The following MRTFB variants were observed in gnomAD, a reference collection of about 807,000 sequenced individuals.
MRTFB encodes the protein myocardin-related transcription factor B.
A neutral mutation model predicts 104.2 loss-of-function variants in MRTFB; 29 were observed. The observed-to-expected ratio is 0.28, with a 90% confidence interval of 0.21 to 0.38. The LOEUF is 0.38. Among genes scored for constraint, MRTFB ranks in the 10% least tolerant of loss-of-function variants. The pLI is 1.00. For missense variants in MRTFB, 1,270 were observed against 1,341.6 expected (o/e 0.95, Z 0.83); for synonymous variants, 535 against 519.5 (o/e 1.03, Z -0.41).
upstream of MRTFB, among the ~76,000 whole-genome samples, chr16:14,069,535 G>A (rs1859565949): frequency 1.3e-5 from 2 of 152,168 alleles, no homozygotes; most frequent in Non-Finnish European, 2.9e-5. Context: ...GTCCAGACTG[G>A]AGGGCAGTGG....
chr16:14,024,804 A>G, the MRTFB span, among the ~76,000 whole-genome samples: 2 of 152,196 alleles, frequency 1.3e-5, no homozygotes, highest in Non-Finnish European at 1.5e-5. Flanking sequence ...CAAACTTCCT[A>G]TGAGTCAGGG....
intron 3 of MRTFB, among the ~76,000 whole-genome samples, chr16:14,174,978 T>C (rs1176711791): frequency 6.6e-6 from 1 of 152,190 alleles, no homozygotes; most frequent in Non-Finnish European, 1.5e-5. Context: ...GTTCTGCTGC[T>C]CAATCATTTT....
intron 10 of MRTFB, among the ~76,000 whole-genome samples, chr16:14,244,601 C>G (rs1458850123): frequency 3.9e-5 from 6 of 152,200 alleles, no homozygotes; most frequent in Admixed American, 3.3e-4. Flanking sequence ...ATCAATTCCA[C>G]TGAAAATGCA....
intron 2 of MRTFB, among the ~76,000 whole-genome samples, chr16:14,090,815 G>A (rs1250332313): frequency 6.6e-6 from 1 of 151,812 alleles, no homozygotes; most frequent in African/African-American, 2.4e-5. Flanking sequence ...CGACTCTGAT[G>A]CCTAAAAGTG....
At chr16:14,223,851 C>A (rs556647002) in intron 8 of MRTFB, among the ~76,000 whole-genome samples, 1 of 152,104 alleles carries the variant, frequency 6.6e-6, no homozygotes, top group East Asian at 1.9e-4. Context: ...CATGGATATA[C>A]AAATACAGTC....
intron 3 of MRTFB, among the ~76,000 whole-genome samples, chr16:14,161,062 T>C (rs1415133151): frequency 1.3e-5 from 2 of 151,512 alleles, no homozygotes; most frequent in Admixed American, 6.6e-5. Flanking sequence ...TATTCTGTTC[T>C]GTTTTAGTAG....
intron 16 of MRTFB, among the ~76,000 whole-genome samples, chr16:14,259,265 G>A (rs369592530): frequency 7.0e-6 from 1 of 143,738 alleles, no homozygotes; most frequent in Non-Finnish European, 1.5e-5. Context: ...TGAAACCCCC[G>A]TCTCTACTAA....
At chr16:14,214,815 G>C (rs1006126064) in intron 6 of MRTFB, 1 of 152,214 alleles carries the variant, frequency 6.6e-6, no homozygotes, top group African/African-American at 2.4e-5. Flanking sequence ...ATGACCCCAA[G>C]TAGGGGCTCT....
At chr16:14,066,316 C>G in the MRTFB span, among the ~76,000 whole-genome samples, 4 of 151,576 alleles carry the variant, frequency 2.6e-5, no homozygotes. Context: ...CTCTGTTGCC[C>G]AGGCTGGAGT....
chr16:14,175,754 A>G (rs1482045686), intron 3 of MRTFB, among the ~76,000 whole-genome samples: 1 of 152,216 alleles, frequency 6.6e-6, no homozygotes, highest in East Asian at 1.9e-4. Flanking sequence ...AATATGGTAT[A>G]TCCATACAGC....
rs897692948 is a variant in MRTFB, at chr16:14,248,860, C to G, written c.2248-66C>G. 7 of 1,563,546 alleles carry G rather than the reference C, an allele frequency of 4.5e-6. No homozygotes were observed. In the African/African-American group the frequency reaches 6.8e-5, roughly 15 times the overall value. ...CCCCAAGTGACCAGTGATTCTACAC[C>G]TAAGTTCTGATTTCTAACTTTGATT... On this transcript the variant is annotated intron_variant, in intron 12 of 16. Transcript: ENST00000571589.
At chr16:14,149,677 T>G (rs1319873107) in intron 3 of MRTFB, 1 of 152,246 alleles carries the variant, frequency 6.6e-6, no homozygotes, top group African/African-American at 2.4e-5. Context: ...TGCCTCTTAC[T>G]CTAAAATAAT....
chr16:14,058,564 T>C, the MRTFB span, among the ~76,000 whole-genome samples: 9 of 152,130 alleles, frequency 5.9e-5, no homozygotes, highest in Admixed American at 4.6e-4. Context: ...GAATGAAATA[T>C]GGTGCTTGTA....
At chr16:14,114,675 C>G (rs1314226077) in intron 2 of MRTFB, among the ~76,000 whole-genome samples, 2 of 152,078 alleles carry the variant, frequency 1.3e-5, no homozygotes, top group Admixed American at 1.3e-4. Context: ...TTTTTTTGGA[C>G]CAGTAATTTC....
the MRTFB span, among the ~76,000 whole-genome samples, chr16:14,060,845 G>C: frequency 6.6e-6 from 1 of 152,128 alleles, no homozygotes; most frequent in East Asian, 1.9e-4. Context: ...ACCAGGAGCT[G>C]CTTAAAACAA....
At chr16:14,258,216 C>T in intron 16 of MRTFB, 55 bp downstream of exon 16, 1 of 1,468,142 alleles carries the variant, frequency 6.8e-7, no homozygotes, top group South Asian at 1.2e-5. Flanking sequence ...AACCCAAGTT[C>T]ATGAAAGTTT....
At chr16:14,106,553 ATGGG>A (rs1368364212) in intron 2 of MRTFB, among the ~76,000 whole-genome samples, 1 of 152,156 alleles carries the variant, frequency 6.6e-6, no homozygotes, top group Non-Finnish European at 1.5e-5. Context: ...TCCAAACCTC[ATGGG>A]GTTGCTGTGA....
chr16:14,014,298 C>A, the MRTFB span, among the ~76,000 whole-genome samples: 1 of 152,160 alleles, frequency 6.6e-6, no homozygotes, highest in African/African-American at 2.4e-5. Flanking sequence ...GTAATCCCAG[C>A]ACTTTGGGGA....
intron 8 of MRTFB, among the ~76,000 whole-genome samples, chr16:14,223,071 C>T (rs1327514438): frequency 1.3e-5 from 2 of 152,028 alleles, no homozygotes; most frequent in African/African-American, 2.4e-5. Context: ...GTTTGGGAGG[C>T]CAAGGCAGGT....
Sources: allele counts gnomAD v4.1 joint callset (sites outside exome capture counted in the v4.1 genomes callset), GRCh38; gene constraint gnomAD v4.1.1; transcripts MANE v1.5; gene names NCBI Gene and HGNC (gene_info 2026-07-23, HGNC 2026-07-21).